NEK7: variants seen among roughly 807,000 people sequenced by gnomAD.
The protein encoded by NEK7 is serine/threonine-protein kinase Nek7.
Under a neutral mutation model 44.6 loss-of-function variants are expected in NEK7, and 18 were observed. The ratio of observed to expected loss-of-function variants is 0.40; its 90% CI spans 0.28 to 0.60. The LOEUF (loss-of-function observed/expected upper bound fraction) is 0.60, where lower values mean the gene tolerates loss of function less well. Among genes scored for constraint, NEK7 ranks in the 20% least tolerant of loss-of-function variants. The probability of loss-of-function intolerance (pLI) is 0.38; values close to 1 mark genes in which losing one functional copy is unlikely to be tolerated. For missense variants in NEK7, 256 were observed against 366.5 expected, an observed-to-expected ratio of 0.70 and a Z score of 2.46; for synonymous variants, 130 against 121.1, an observed-to-expected ratio of 1.07 and a Z score of -0.48.
intron 1 of NEK7, among the ~76,000 whole-genome samples, chr1:198,219,308 GTA>G (rs927205102): frequency 7.3e-5 from 11 of 149,908 alleles, no homozygotes; most frequent in Non-Finnish European, 1.3e-4. Flanking sequence ...TAAAATATGT[GTA>G]TATATATGTG....
intron 9 of NEK7, among the ~76,000 whole-genome samples, chr1:198,301,052 T>G (rs577922947): frequency 5.3e-5 from 8 of 152,350 alleles, no homozygotes; most frequent in African/African-American, 1.7e-4. Context: ...CACAAACTTA[T>G]CTCATGAAAC....
Position 198,159,828 on chromosome 1 carries a change from A to G in NEK7, c.-29+2552A>G, listed in dbSNP as rs1571489513. Among the ~76,000 whole-genome samples, 4 of 152,240 alleles carry G rather than the reference A, an allele frequency of 2.6e-5. No individual in the cohort carries two copies. The East Asian group carries it at 5.8e-4, about 22-fold the overall frequency. ...AGAGGAGGGGAGATTTGATGCCTCT[A>G]TAGCTAACATACCTGATTAATAAAT... On this transcript the variant is annotated intron_variant, in intron 1 of 9. Coordinates refer to ENST00000367385, the MANE Select transcript of NEK7 (RefSeq NM_133494.3).
In NEK7 at chr1:198,212,175, A is replaced by G. The variant is rs147813214; in HGVS notation, c.-28-20378A>G. On this transcript the variant is annotated intron_variant, in intron 1 of 9. Transcript: ENST00000367385. Reference sequence around the variant, plus strand: ...CGGTCACAGGTTGAGAGAAGCTCCCAACTGAGATTTGTGTAGGGATGAACC... The same window carrying G: ...CGGTCACAGGTTGAGAGAAGCTCCCGACTGAGATTTGTGTAGGGATGAACC... 9.9e-4 allele frequency among the ~76,000 whole-genome samples: 151 copies of G among 152,334 alleles called. 3 individuals carry two copies. Among genetic ancestry groups the G allele is most frequent in the Admixed American group, 2.1e-3 (32 of 15,302 alleles).
At chr1:198,205,748 G>A (rs1401410651) in intron 1 of NEK7, among the ~76,000 whole-genome samples, 3 of 151,754 alleles carry the variant, frequency 2.0e-5, no homozygotes, top group East Asian at 3.9e-4. Flanking sequence ...ATAATGGTAC[G>A]TGGAGTCTAT....
intron 1 of NEK7, among the ~76,000 whole-genome samples, chr1:198,198,542 C>T (rs1665313181): frequency 6.6e-6 from 1 of 152,188 alleles, no homozygotes; most frequent in African/African-American, 2.4e-5. Flanking sequence ...TGTAAAGTCT[C>T]AGTCTTGGTT....
intron 1 of NEK7, among the ~76,000 whole-genome samples, chr1:198,211,059 G>A (rs1665756157): frequency 6.6e-6 from 1 of 152,014 alleles, no homozygotes; most frequent in African/African-American, 2.4e-5. Flanking sequence ...CATGCTTTAT[G>A]GTTATTTCCA....
chr1:198,264,321 A>G, intron 5 of NEK7, 86 bp downstream of exon 5: 1 of 930,294 alleles, frequency 1.1e-6, no homozygotes, highest in Non-Finnish European at 1.7e-6. Flanking sequence ...GATATTAGAT[A>G]TTTTAAACTA....
chr1:198,314,176 A>G (rs1455458776), intron 9 of NEK7, among the ~76,000 whole-genome samples: 2 of 151,762 alleles, frequency 1.3e-5, no homozygotes, highest in Non-Finnish European at 2.9e-5. Flanking sequence ...GCTTCATTTC[A>G]TTCATTTCAT....
In NEK7 at chr1:198,317,244, A is replaced by G. The variant is rs150549029; in HGVS notation, c.799-2168A>G. Among the ~76,000 whole-genome samples the G allele has an allele frequency of 2.3e-4, 35 of 152,334 alleles. No individual in the cohort carries two copies. The East Asian group carries it at 5.2e-3, about 23-fold the overall frequency. On this transcript the variant is annotated intron_variant, in intron 9 of 9. Transcript: ENST00000367385. ...TTCGTATTTGGTGGAGATTGAATCA[A>G]TAAGTGGGGAAGGAAAAGCAAACTC...
At chr1:198,172,967 A>G (rs1310600262) in intron 1 of NEK7, among the ~76,000 whole-genome samples, 1 of 152,194 alleles carries the variant, frequency 6.6e-6, no homozygotes, top group African/African-American at 2.4e-5. Flanking sequence ...ATCATGGGAT[A>G]TGTAGCTAAC....
intron 1 of NEK7, among the ~76,000 whole-genome samples, chr1:198,200,504 G>A (rs1347788148): frequency 1.3e-5 from 2 of 151,768 alleles, no homozygotes; most frequent in Non-Finnish European, 1.5e-5. Flanking sequence ...TGAATGATGA[G>A]GGTGTTTACA....
At position 198,256,334 on chromosome 1, in the gene NEK7, C is replaced by G. The variant is rs1174693168; in HGVS notation, c.198+3154C>G. The G allele has an allele frequency of 5.6e-6, 9 of 1,604,620 alleles. No homozygotes were observed. The African/African-American group carries it at 1.1e-4, about 19-fold the overall frequency. On this transcript the variant is annotated intron_variant, in intron 3 of 9. Coordinates refer to ENST00000367385, the MANE Select transcript of NEK7 (RefSeq NM_133494.3). ...TCTGGCCATTTTCCTGCAGGTTTGC[C>G]TGTTACCTGTATGGGAAAGAAGAGT...
rs1024208390 is a variant in NEK7, at chr1:198,321,711, A to G, written c.*2189A>G. The G allele has an allele frequency of 2.8e-4, 43 of 152,128 alleles. No individual in the cohort carries two copies. The highest frequency in any genetic ancestry group is 1.0e-3 in the African/African-American group (42 of 41,460). The allele number at this position is 152,128 out of a possible 1,614,324, so 9.4% of individuals were successfully genotyped here. On this transcript the variant is annotated 3_prime_UTR_variant, in exon 10 of 10. Transcript: ENST00000367385. ...ATCTAAATGTTCATATTTTTCCTGA[A>G]GAAACCACTGTGTAAAAATCAAATT... is the stretch of plus-strand genomic sequence containing the variant.
chr1:198,251,091 C>T (rs7528244), intron 2 of NEK7, among the ~76,000 whole-genome samples: 9 of 150,944 alleles, frequency 6.0e-5, no homozygotes, highest in African/African-American at 9.8e-5. Flanking sequence ...TAGCATGAAG[C>T]GTTGTTGAAT....
intron 1 of NEK7, among the ~76,000 whole-genome samples, chr1:198,188,555 C>T (rs1448120743): frequency 6.6e-6 from 1 of 152,018 alleles, no homozygotes. Context: ...ACTGAAGTCC[C>T]TGTAGTTACT....
intron 1 of NEK7, among the ~76,000 whole-genome samples, chr1:198,160,911 A>G (rs529565487): frequency 1.6e-4 from 25 of 152,330 alleles, no homozygotes; most frequent in African/African-American, 5.8e-4. Flanking sequence ...TTTATTCTGA[A>G]GAAAACACTT....
chr1:198,240,150 A>G (rs1304477867), intron 2 of NEK7, among the ~76,000 whole-genome samples: 1 of 152,214 alleles, frequency 6.6e-6, no homozygotes, highest in African/African-American at 2.4e-5. Context: ...TATTTTAGAA[A>G]ATGACTGTGT....
rs1665071118 is a variant in NEK7, at chr1:198,191,466, A to G, written c.-29+34190A>G. 3.3e-5 allele frequency among the ~76,000 whole-genome samples: 5 copies of G among 152,064 alleles called. 1 individual carries two copies. In the South Asian group the frequency reaches 1.0e-3, roughly 31 times the overall value. On this transcript the variant is annotated intron_variant, in intron 1 of 9. Coordinates refer to ENST00000367385, the MANE Select transcript of NEK7 (RefSeq NM_133494.3). ...AAATTACTTGTTAATGTCTTTTGCC[A>G]GTTAAAAAAAATTAGGTTGACTTTC...
intron 1 of NEK7, among the ~76,000 whole-genome samples, chr1:198,200,869 T>C (rs1665412056): frequency 6.6e-6 from 1 of 152,110 alleles, no homozygotes; most frequent in Non-Finnish European, 1.5e-5. Flanking sequence ...CTTTCTATAC[T>C]CCAGTTTTGT....
Sources: allele counts gnomAD v4.1 joint callset (sites outside exome capture counted in the v4.1 genomes callset), GRCh38; gene constraint gnomAD v4.1.1; transcripts MANE v1.5; gene names NCBI Gene and HGNC (gene_info 2026-07-23, HGNC 2026-07-21).